The following TPO variants were observed in gnomAD, a reference collection of about 807,000 sequenced individuals.
TPO encodes the protein thyroid microsomal antigen.
In TPO, 78 loss-of-function variants were observed where a neutral mutation model predicts 96.9. The ratio of observed to expected loss-of-function variants is 0.81; its 90% CI spans 0.67 to 0.97. The LOEUF (loss-of-function observed/expected upper bound fraction) is 0.97, where lower values mean the gene tolerates loss of function less well. Among genes scored for constraint, TPO ranks in the 50% least tolerant of loss-of-function variants. The probability of loss-of-function intolerance (pLI) is 0.00; values close to 1 mark genes in which losing one functional copy is unlikely to be tolerated. For missense variants in TPO, 1,252 were observed against 1,274.8 expected (o/e 0.98, Z 0.27); for synonymous variants, 547 against 538.0 (o/e 1.02, Z -0.23).
intron 16 of TPO, chr2:1,541,714 A>AATC: frequency 6.6e-6 from 1 of 152,408 alleles, no homozygotes; most frequent in Non-Finnish European, 1.5e-5. Flanking sequence ...AATTTGATAT[A>AATC]ATCTCTCCAC....
intron 15 of TPO, among the ~76,000 whole-genome samples, chr2:1,540,368 G>T (rs1215706317): frequency 6.6e-6 from 1 of 152,174 alleles, no homozygotes; most frequent in African/African-American, 2.4e-5. Flanking sequence ...GGGTCCTCTT[G>T]GCTGCAAATT....
chr2:1,539,710 C>T (rs934020748), intron 15 of TPO, among the ~76,000 whole-genome samples: 1 of 152,030 alleles, frequency 6.6e-6, no homozygotes, highest in Non-Finnish European at 1.5e-5. Context: ...CTAACGTTGC[C>T]GCGTTGACAC....
intron 1 of TPO, among the ~76,000 whole-genome samples, chr2:1,381,047 C>A (rs764899078): frequency 1.3e-5 from 2 of 152,156 alleles, no homozygotes; most frequent in Non-Finnish European, 2.9e-5. Flanking sequence ...TATAGGTATA[C>A]ACGTGCCATG....
At chr2:1,459,317 A>G (rs187694984) in intron 7 of TPO, among the ~76,000 whole-genome samples, 1,946 of 151,938 alleles carry the variant, frequency 0.013, 45 homozygotes, top group African/African-American at 0.045. Flanking sequence ...ACACCCGGCT[A>G]ATTTTTGTAT....
intron 9 of TPO, among the ~76,000 whole-genome samples, chr2:1,487,063 C>T (rs2361748): frequency 2.6e-5 from 4 of 152,088 alleles, no homozygotes; most frequent in African/African-American, 4.8e-5. Flanking sequence ...TGAGATAGAC[C>T]GACCCTGACA....
intron 15 of TPO, among the ~76,000 whole-genome samples, chr2:1,531,107 T>TG (rs1678065706): frequency 4.2e-5 from 1 of 24,084 alleles, no homozygotes; most frequent in Non-Finnish European, 7.3e-5. Flanking sequence ...CCTCCCCAAA[T>TG]CCCCCCACTG....
At chr2:1,386,002 G>A (rs1231663778) in intron 1 of TPO, among the ~76,000 whole-genome samples, 2 of 152,164 alleles carry the variant, frequency 1.3e-5, no homozygotes, top group Non-Finnish European at 1.5e-5. Context: ...AGGTTGTTCA[G>A]TTTCCATTAG....
chr2:1,406,438 C>T (rs148698508), intron 1 of TPO, among the ~76,000 whole-genome samples: 1 of 152,336 alleles, frequency 6.6e-6, no homozygotes, highest in African/African-American at 2.4e-5. Context: ...ATCCTATTAT[C>T]CACGTGAATA....
intron 6 of TPO, among the ~76,000 whole-genome samples, chr2:1,454,762 C>G (rs1667637523): frequency 6.6e-6 from 1 of 152,204 alleles, no homozygotes; most frequent in South Asian, 2.1e-4. Flanking sequence ...GCTTTTTAAA[C>G]TCTCAGTATT....
At chr2:1,445,850 G>T (rs1399791823) in intron 5 of TPO, among the ~76,000 whole-genome samples, 4 of 145,668 alleles carry the variant, frequency 2.7e-5, no homozygotes, top group Non-Finnish European at 4.5e-5. Flanking sequence ...CTTCCTGTTT[G>T]TATGATCCAG....
At chr2:1,461,084 C>G (rs116385550) in intron 7 of TPO, among the ~76,000 whole-genome samples, 1 of 152,266 alleles carries the variant, frequency 6.6e-6, no homozygotes, top group East Asian at 1.9e-4. Flanking sequence ...GGGAAGGACA[C>G]GGGTAGCCCT....
chr2:1,537,688 A>C (rs558384065), intron 15 of TPO, among the ~76,000 whole-genome samples: 1 of 85,306 alleles, frequency 1.2e-5, no homozygotes, highest in South Asian at 4.4e-4. Context: ...TACTCTGTGG[A>C]ACCTCCTCAA....
chr2:1,535,802 C>T (rs1679511072), intron 15 of TPO, among the ~76,000 whole-genome samples: 1 of 85,098 alleles, frequency 1.2e-5, no homozygotes, highest in Admixed American at 1.5e-4. Flanking sequence ...CCTCCGCCAT[C>T]CCTCCCACTG....
chr2:1,377,419 C>A (rs1473474760), intron 1 of TPO, among the ~76,000 whole-genome samples: 1 of 152,172 alleles, frequency 6.6e-6, no homozygotes, highest in Non-Finnish European at 1.5e-5. Flanking sequence ...CGAGGAGATT[C>A]TGGAGATTTC....
chr2:1,471,479 A>T (rs1480165682), intron 7 of TPO, among the ~76,000 whole-genome samples: 1 of 149,754 alleles, frequency 6.7e-6, no homozygotes, highest in East Asian at 2.1e-4. Flanking sequence ...CCTTACATTG[A>T]TGTTAATTCA....
chr2:1,512,601 G>A (rs1038579979), intron 14 of TPO: 4 of 515,900 alleles, frequency 7.8e-6, no homozygotes, highest in South Asian at 1.7e-4. Context: ...ACGTCTTCCC[G>A]CTGAGCCCTG....
At chr2:1,463,743 T>G (rs1668648698) in intron 7 of TPO, among the ~76,000 whole-genome samples, 1 of 152,176 alleles carries the variant, frequency 6.6e-6, no homozygotes, top group East Asian at 1.9e-4. Context: ...GATGTTCCAC[T>G]GGGTGCTGCA....
chr2:1,521,857 C>T (rs1675304598), intron 15 of TPO, among the ~76,000 whole-genome samples: 1 of 151,970 alleles, frequency 6.6e-6, no homozygotes, highest in Non-Finnish European at 1.5e-5. Flanking sequence ...CACACATGAA[C>T]CACAGCAAGG....
chr2:1,522,835 C>T (rs1307664208), intron 15 of TPO, among the ~76,000 whole-genome samples: 1 of 138,208 alleles, frequency 7.2e-6, no homozygotes, highest in Non-Finnish European at 1.5e-5. Context: ...TGAGCAAAAC[C>T]CCAAATCCCC....
Sources: allele counts gnomAD v4.1 joint callset (sites outside exome capture counted in the v4.1 genomes callset), GRCh38; gene constraint gnomAD v4.1.1; transcripts MANE v1.5; gene names NCBI Gene and HGNC (gene_info 2026-07-23, HGNC 2026-07-21).